NPIPB2: variants seen among roughly 807,000 people sequenced by gnomAD.
NPIPB2 encodes nuclear pore complex interacting protein family member B2, also known as nuclear pore complex-interacting protein family member B2.
In NPIPB2, 27 loss-of-function variants were observed where a neutral mutation model predicts 30.8. The observed-to-expected ratio is 0.88, with a 90% CI of 0.65 to 1.21. The LOEUF is 1.21. Ranked by LOEUF, NPIPB2 falls within the 50% of genes most tolerant of loss-of-function variation. The pLI, the probability that NPIPB2 is intolerant of heterozygous loss-of-function variation, is 0.00. For missense variants in NPIPB2, 440 were observed against 446.2 expected (o/e 0.99, Z 0.13); for synonymous variants, 147 against 162.0 (o/e 0.91, Z 0.70).
In NPIPB2 at chr16:11,961,577, C is replaced by T. The variant is rs577174922; in HGVS notation, c.-584+14991G>A. Among the ~76,000 whole-genome samples the T allele has an allele frequency of 5.3e-5, 8 of 151,506 alleles. No homozygotes were observed. The East Asian group carries it at 1.6e-3, about 29-fold the overall frequency. On this transcript the variant is annotated intron_variant, in intron 1 of 5. Transcript: ENST00000538896. ...GGCGAATCACTTGAGGTCAGGAGTT[C>T]GAGACCAGCCTGGCCAACATACTGA...
intron 1 of NPIPB2, among the ~76,000 whole-genome samples, chr16:11,953,725 T>C (rs1171849639): frequency 1.3e-5 from 2 of 148,342 alleles, no homozygotes; most frequent in Non-Finnish European, 3.0e-5. Flanking sequence ...TTTTTTTTTT[T>C]TTTTTTTTGA....
At chr16:11,969,728 GCAAACTGTGAT>G (rs1370671168) in intron 1 of NPIPB2, among the ~76,000 whole-genome samples, 1 of 152,118 alleles carries the variant, frequency 6.6e-6, no homozygotes, top group Non-Finnish European at 1.5e-5. Context: ...ATGTGTAATC[GCAAACTGTGAT>G]AACGGTGCAC....
intron 1 of NPIPB2, among the ~76,000 whole-genome samples, chr16:11,940,770 A>G (rs2054927962): frequency 6.8e-6 from 1 of 148,028 alleles, no homozygotes; most frequent in Non-Finnish European, 1.5e-5. Flanking sequence ...AAAAAAAAAA[A>G]AAAAAAAAAA....
intron 1 of NPIPB2, among the ~76,000 whole-genome samples, chr16:11,951,322 G>T (rs1469274077): frequency 6.6e-6 from 1 of 150,770 alleles, no homozygotes; most frequent in Non-Finnish European, 1.5e-5. Flanking sequence ...AAATTAGCCG[G>T]GCATAGTGGC....
chr16:11,944,314 G>A (rs982627812), upstream of NPIPB2, among the ~76,000 whole-genome samples: 3 of 151,644 alleles, frequency 2.0e-5, no homozygotes, highest in African/African-American at 4.8e-5. Flanking sequence ...CTATAGGCGC[G>A]TGCCACCACA....
At chr16:11,974,452 G>C (rs889254752) in intron 1 of NPIPB2, among the ~76,000 whole-genome samples, 11 of 152,146 alleles carry the variant, frequency 7.2e-5, no homozygotes, top group African/African-American at 2.7e-4. Flanking sequence ...GGGAAGCGGA[G>C]GTTGTAGTGA....
At chr16:11,951,281 C>T (rs979561892) in intron 1 of NPIPB2, among the ~76,000 whole-genome samples, 4 of 150,654 alleles carry the variant, frequency 2.7e-5, no homozygotes, top group Non-Finnish European at 5.9e-5. Context: ...ACGGTGAAAC[C>T]CCGTCTCTAC....
intron 1 of NPIPB2, among the ~76,000 whole-genome samples, chr16:11,957,321 C>T (rs1048140555): frequency 3.3e-5 from 5 of 151,988 alleles, no homozygotes; most frequent in Admixed American, 6.6e-5. Flanking sequence ...TGTGACACCA[C>T]GCCCGGCTAA....
intron 1 of NPIPB2, chr16:11,965,556 T>C: frequency 4.8e-6 from 6 of 1,244,056 alleles, no homozygotes; most frequent in South Asian, 1.6e-5. Flanking sequence ...TGGTGAGTTT[T>C]CTTGAATCAA....
intron 1 of NPIPB2, chr16:11,976,539 G>C: frequency 5.7e-6 from 2 of 353,484 alleles, no homozygotes; most frequent in Non-Finnish European, 1.0e-5. Context: ...TGGGGACAGC[G>C]ACGCCTCCTC....
At chr16:11,935,176 C>G (rs537064289) in intron 2 of NPIPB2, among the ~76,000 whole-genome samples, 9 of 148,008 alleles carry the variant, frequency 6.1e-5, no homozygotes, top group Non-Finnish European at 1.0e-4. Flanking sequence ...TGACTGAATT[C>G]CCACCAAGAT....
At chr16:11,946,411 T>TA (rs1567471584), upstream of NPIPB2, among the ~76,000 whole-genome samples, 6 of 106,012 alleles carry the variant, frequency 5.7e-5, no homozygotes, top group Non-Finnish European at 1.0e-4. Flanking sequence ...AAAAAAAAGG[T>TA]AAAAAATTAG....
chr16:11,940,516 A>G (rs1438423424), intron 1 of NPIPB2, among the ~76,000 whole-genome samples: 5 of 150,222 alleles, frequency 3.3e-5, no homozygotes, highest in Non-Finnish European at 7.4e-5. Flanking sequence ...AGGCAGGCGG[A>G]TCACGAGGTC....
intron 4 of NPIPB2, among the ~76,000 whole-genome samples, 177 bp downstream of exon 4, chr16:11,933,340 G>A (rs1041051199): frequency 2.0e-5 from 3 of 151,604 alleles, no homozygotes; most frequent in East Asian, 3.9e-4. Flanking sequence ...AAACAAGAAT[G>A]TAGGAAGGGA....
chr16:11,975,770 T>C (rs866222780), intron 1 of NPIPB2, among the ~76,000 whole-genome samples: 7 of 152,022 alleles, frequency 4.6e-5, no homozygotes, highest in Admixed American at 4.6e-4. Flanking sequence ...TTTGTATTTT[T>C]AGTAGAGATG....
chr16:11,933,573 T>A, exon 4 of NPIPB2: 1 of 1,596,430 alleles, frequency 6.3e-7, no homozygotes, highest in African/African-American at 1.3e-5. Context: ...TGATTTTCGT[T>A]GTCACCTTCA....
chr16:11,963,396 A>G (rs1330557506), intron 1 of NPIPB2, among the ~76,000 whole-genome samples: 1 of 151,996 alleles, frequency 6.6e-6, no homozygotes, highest in Non-Finnish European at 1.5e-5. Flanking sequence ...AAAAAAAAAA[A>G]AGAATAAGTT....
chr16:11,956,033 AAAGGC>A (rs1293194887), intron 1 of NPIPB2: 2 of 152,206 alleles, frequency 1.3e-5, no homozygotes, highest in Non-Finnish European at 2.9e-5. Context: ...GATTCATTCC[AAAGGC>A]AGGCAGGAAA....
chr16:11,967,197 T>C, intron 1 of NPIPB2: 1 of 200,470 alleles, frequency 5.0e-6, no homozygotes, highest in South Asian at 8.1e-5. Flanking sequence ...AGACAGGGTT[T>C]CATCATGTTG....
Sources: gnomAD v4.1 joint callset for allele counts (sites outside exome capture counted in the v4.1 genomes callset) on GRCh38, gnomAD v4.1.1 for gene constraint, MANE v1.5 for transcripts, NCBI Gene and HGNC (gene_info 2026-07-23, HGNC 2026-07-21) for gene names.